The following ANK3 variants were observed in gnomAD, a reference collection of about 807,000 sequenced individuals.
ANK3 encodes ankyrin 3, also known as ankyrin-3.
In ANK3, 57 loss-of-function variants were observed where a neutral mutation model predicts 370.9. The observed-to-expected ratio is 0.15, with a 90% CI of 0.12 to 0.19. The LOEUF is 0.19. Ranked by LOEUF, ANK3 falls within the 10% of genes least tolerant of loss-of-function variation. The pLI, the probability that ANK3 is intolerant of heterozygous loss-of-function variation, is 1.00. For synonymous variants in ANK3, 1,929 were observed against 1,946.3 expected (o/e 0.99, Z 0.23); for missense variants, 4,439 against 5,302.1 (o/e 0.84, Z 5.06).
At chr10:60,607,291 G>T (rs1340292069) in intron 2 of ANK3, among the ~76,000 whole-genome samples, 1 of 152,092 alleles carries the variant, frequency 6.6e-6, no homozygotes, top group African/African-American at 2.4e-5. Flanking sequence ...GCTCAAAGAG[G>T]TAAAGTGTCT....
rs745321315 is a variant in ANK3 at position 60,070,568 on chromosome 10, G to A, written c.10313C>T (p.Ala3438Val). Reference sequence around the variant, plus strand: ...CCAGATATCTTTCTTAATTTCCATGGCTTGAATTGGGAGTTTAGAATCACT... The same window carrying A: ...CCAGATATCTTTCTTAATTTCCATGACTTGAATTGGGAGTTTAGAATCACT... ...TESDSKLPIQ[A>V]MEIKKDIWNT... The change falls in exon 37 of 44, where the codon GCC becomes GTC. Residue 3438 changes from alanine to valine, a missense_variant. By Grantham distance (64) the Ala-to-Val change is moderately conservative (BLOSUM62 0). This residue lies in a region of ANK3 where 1,601 missense variants were observed against 1,731.7 expected (regional missense o/e 0.92). Transcript: ENST00000280772. The surrounding 1 kb of genome is among the most constrained non-coding windows in gnomAD (Gnocchi z 5.7). 3 of 1,613,934 alleles carry A rather than the reference G, an allele frequency of 1.9e-6. No homozygotes were observed. Among genetic ancestry groups the A allele is most frequent in the African/African-American group, 2.7e-5 (2 of 74,882 alleles).
At chr10:60,501,843 C>A (rs1157837817) in intron 2 of ANK3, among the ~76,000 whole-genome samples, 1 of 151,878 alleles carries the variant, frequency 6.6e-6, no homozygotes, top group Non-Finnish European at 1.5e-5. Context: ...GAAAAATAGC[C>A]AGGCTTGGTG....
At chr10:60,708,718 C>T (rs10994480) in intron 1 of ANK3, among the ~76,000 whole-genome samples, 48,785 of 151,940 alleles carry the variant, frequency 0.32, 7,924 homozygotes, top group African/African-American at 0.34. Context: ...ATTTCTGTCT[C>T]ACCTAAGGGG....
chr10:60,290,986 GAGGATCTAGAATTC>G (rs763559928), intron 1 of ANK3, among the ~76,000 whole-genome samples: 64 of 152,116 alleles, frequency 4.2e-4, no homozygotes, highest in Admixed American at 2.2e-3. Flanking sequence ...ACATCAAAAG[GAGGATCTAGAATTC>G]AGGCCGTGGG....
chr10:60,119,083 T>G (rs2093306280), intron 25 of ANK3, among the ~76,000 whole-genome samples: 1 of 152,222 alleles, frequency 6.6e-6, no homozygotes, highest in South Asian at 2.1e-4. Flanking sequence ...TTGTCCCAGA[T>G]AGTAACACTT....
intron 28 of ANK3, among the ~76,000 whole-genome samples, chr10:60,101,632 C>G (rs2091276330): frequency 6.6e-6 from 1 of 152,122 alleles, no homozygotes; most frequent in South Asian, 2.1e-4. Flanking sequence ...GTGGTGATGG[C>G]AAGTTCTTCA....
At chr10:60,392,766 T>C (rs951891711), upstream of ANK3, among the ~76,000 whole-genome samples, 4 of 152,000 alleles carry the variant, frequency 2.6e-5, no homozygotes, top group Non-Finnish European at 5.9e-5. Context: ...CCATCTCTAC[T>C]AAAAATACAA....
At chr10:60,240,040 T>TATATAC (rs1159900994) in intron 7 of ANK3, among the ~76,000 whole-genome samples, 1 of 142,894 alleles carries the variant, frequency 7.0e-6, no homozygotes, top group Non-Finnish European at 1.5e-5. Flanking sequence ...TATATACACA[T>TATATAC]ATATATACAT....
intron 1 of ANK3, among the ~76,000 whole-genome samples, chr10:60,387,987 C>A (rs1312968528): frequency 6.6e-6 from 1 of 151,960 alleles, no homozygotes; most frequent in East Asian, 1.9e-4. Flanking sequence ...TAGTTTATCA[C>A]GGTGGGGGTA....
At position 60,572,758 on chromosome 10, in the gene ANK3, ACAGT is replaced by A. The variant is rs1443356672; in HGVS notation, c.96+42424_96+42427del. ...AGAAACTGGGTGTTCTCTATATCAAACAGTCAATTATTCTTCTAAAGAAAATCAA... is the reference window on the plus strand; with the variant it reads ...AGAAACTGGGTGTTCTCTATATCAAACAATTATTCTTCTAAAGAAAATCAA... On this transcript the variant is annotated intron_variant, in intron 2 of 43. Transcript: ENST00000373827. 1.9e-5 allele frequency: 25 copies of A among 1,304,260 alleles called. No homozygotes were observed. In the African/African-American group the frequency reaches 3.5e-4, roughly 18 times the overall value. 80.8% of individuals were successfully genotyped at this position (1,304,260 alleles called of 1,614,324 possible).
At position 60,075,385 on chromosome 10, in the gene ANK3, T is replaced by C; in HGVS notation, c.5496A>G (p.Pro1832=). The C allele has an allele frequency of 6.2e-7, 1 of 1,614,056 alleles. No homozygotes were observed. The highest frequency in any genetic ancestry group is 1.3e-5 in the African/African-American group (1 of 75,056). The part of the protein sequence containing the change: ...VPVYSVVNVL[P]EPALKKLPDS... ...CTGGAAGTTTCTTTAATGCTGGTTC[T>C]GGCAAAACATTGACTACAGAGTATA... Residue 1832 remains proline, a synonymous_variant, in exon 37 of 44, where the codon CCA becomes CCG. Transcript: ENST00000280772.
At chr10:60,585,902 T>C (rs568349479) in intron 2 of ANK3, among the ~76,000 whole-genome samples, 2 of 152,240 alleles carry the variant, frequency 1.3e-5, no homozygotes, top group Admixed American at 6.5e-5. Context: ...CGGGTACCTG[T>C]AATCCCAGCT....
At chr10:60,427,878 A>C (rs893953006) in intron 2 of ANK3, among the ~76,000 whole-genome samples, 3 of 152,140 alleles carry the variant, frequency 2.0e-5, no homozygotes, top group Non-Finnish European at 4.4e-5. Context: ...TGAACAGATG[A>C]GATTACTCAA....
At chr10:60,329,664 T>C (rs1463821655) in intron 1 of ANK3, among the ~76,000 whole-genome samples, 1 of 152,192 alleles carries the variant, frequency 6.6e-6, no homozygotes, top group African/African-American at 2.4e-5. Flanking sequence ...AAACATTCCA[T>C]GCTCATGGAT....
chr10:60,141,610 C>G (rs1457407020), intron 23 of ANK3, among the ~76,000 whole-genome samples: 3 of 144,422 alleles, frequency 2.1e-5, no homozygotes, highest in Non-Finnish European at 4.5e-5. Context: ...CCCCACCGCC[C>G]CCGAGAATAC....
chr10:60,374,424 T>C (rs760700657), intron 1 of ANK3, among the ~76,000 whole-genome samples: 4 of 152,040 alleles, frequency 2.6e-5, no homozygotes, highest in Non-Finnish European at 5.9e-5. Context: ...AGGCAGGAGA[T>C]GAGCCCCAGC....
At chr10:60,583,554 T>C in intron 2 of ANK3, among the ~76,000 whole-genome samples, 1 of 148,826 alleles carries the variant, frequency 6.7e-6, no homozygotes, top group Non-Finnish European at 1.5e-5. Flanking sequence ...TCTCGTTCTG[T>C]CACCCAGGCT....
chr10:60,119,891 C>A (rs1451531588), intron 25 of ANK3, among the ~76,000 whole-genome samples: 2 of 151,626 alleles, frequency 1.3e-5, no homozygotes, highest in Non-Finnish European at 2.9e-5. Flanking sequence ...CCATACTGCC[C>A]AAAGTAATCA....
At chr10:60,508,258 C>T (rs1175521875) in intron 2 of ANK3, 2 of 152,354 alleles carry the variant, frequency 1.3e-5, no homozygotes, top group Non-Finnish European at 2.9e-5. Flanking sequence ...ACCAACAATG[C>T]CAAATGATTT....
Sources: allele counts gnomAD v4.1 joint callset (sites outside exome capture counted in the v4.1 genomes callset), GRCh38; gene constraint gnomAD v4.1.1; regional missense constraint gnomAD v4.1.1; non-coding constraint Gnocchi (gnomAD v3.1); transcripts MANE v1.5; gene names NCBI Gene and HGNC (gene_info 2026-07-23, HGNC 2026-07-21).